C4orf46: variants seen among roughly 807,000 people sequenced by gnomAD.
The protein encoded by C4orf46 is chromosome 4 open reading frame 46, also known as renal cancer differentiation gene 1 protein.
C4orf46 carries 8 observed loss-of-function variants against 9.1 expected under a neutral mutation model. The observed-to-expected ratio is 0.88, with a 90% CI of 0.52 to 1.59. The LOEUF (loss-of-function observed/expected upper bound fraction) is 1.59, where lower values mean the gene tolerates loss of function less well. C4orf46 is among the 40% of genes most tolerant of loss of function. The pLI is 0.00. For missense variants in C4orf46, 151 were observed against 139.1 expected, an observed-to-expected ratio of 1.09 and a Z score of -0.43; for synonymous variants, 51 against 58.8, an observed-to-expected ratio of 0.87 and a Z score of 0.61.
intron 1 of C4orf46, among the ~76,000 whole-genome samples, chr4:158,670,455 T>C (rs1223811476): frequency 6.6e-6 from 1 of 152,186 alleles, no homozygotes; most frequent in African/African-American, 2.4e-5. Context: ...TTGGGTAACA[T>C]GGGCATTGAC....
At chr4:158,671,441 G>A (rs764558587) in intron 1 of C4orf46, among the ~76,000 whole-genome samples, 175 bp downstream of exon 1, 5 of 152,190 alleles carry the variant, frequency 3.3e-5, no homozygotes, top group Middle Eastern at 3.2e-3. Flanking sequence ...GAGAGGGGTG[G>A]CACTTTAGCT....
chr4:158,671,773 G>A lies in C4orf46; in HGVS notation c.29C>T (p.Ser10Phe), dbSNP rs1371638862. 5 of 1,554,174 alleles carry A rather than the reference G, an allele frequency of 3.2e-6. No homozygotes were observed. The highest frequency in any genetic ancestry group is 1.9e-4 in the Middle Eastern group (1 of 5,368). Reference sequence around the variant, plus strand: ...AGAGGGAGGCGGCGGGGGCGGCGAAGAAACCTGCAACTCCTCAGGGTCGGC... The same window carrying A: ...AGAGGGAGGCGGCGGGGGCGGCGAAAAAACCTGCAACTCCTCAGGGTCGGC... MADPEELQV[S>F]SPPPPPPSSP... The change falls in exon 1 of 2, where the codon TCT (serine) becomes TTT (phenylalanine). Residue 10 changes from serine (S) to phenylalanine (F), a missense_variant. By Grantham distance (155) the Ser-to-Phe change is radical. Coordinates refer to ENST00000379205, the MANE Select transcript of C4orf46 (RefSeq NM_001008393.4).
At chr4:158,669,790 T>G in intron 1 of C4orf46, 22 bp from the exon 2 acceptor site, 1 of 1,564,034 alleles carries the variant, frequency 6.4e-7, no homozygotes, top group Admixed American at 1.9e-5. Context: ...AAGTCAAACA[T>G]AATTTTATTT....
rs1270768097 is a variant in C4orf46 at position 158,668,816 on chromosome 4, T to C, written c.*797A>G. The C allele has an allele frequency of 1.3e-5, 2 of 152,238 alleles. No individual in the cohort carries two copies. Among genetic ancestry groups the C allele is most frequent in the South Asian group, 2.1e-4 (1 of 4,828 alleles). The allele number at this position is 152,238 out of a possible 1,614,324, so 9.4% of individuals were successfully genotyped here. Reference sequence around the variant, plus strand: ...AAACACTGTTAAACTGCAAAAGCAGTAACCACAGAAATAAATAGGGAAAAA... The same window carrying C: ...AAACACTGTTAAACTGCAAAAGCAGCAACCACAGAAATAAATAGGGAAAAA... On this transcript the variant is annotated 3_prime_UTR_variant, in exon 2 of 2. Transcript: ENST00000379205.
At position 158,669,750 on chromosome 4, in the gene C4orf46, T is replaced by A. The variant is rs1271299253; in HGVS notation, c.205A>T (p.Lys69Ter). 4 of 1,601,974 alleles carry A rather than the reference T, an allele frequency of 2.5e-6. No individual in the cohort carries two copies. The highest frequency in any genetic ancestry group is 3.4e-6 in the Non-Finnish European group (4 of 1,176,174). The change falls in exon 2 of 2, where the codon AAA becomes TAA. Residue 69 changes from lysine (K) to a stop codon, truncating the protein, a stop_gained. Transcript: ENST00000379205. LOFTEE classifies it high-confidence loss of function. ...ACTGCAGATGTGGCTTCAAGAAGTT[T>A]GGTTAATGAAAAGGCTGCCTAAAAA... Reference protein sequence around the residue: ...QIGDAAFSLTKLLEATSAVSA... With the variant: ...QIGDAAFSLT
upstream of C4orf46, chr4:158,671,937 AG>A (rs1773572289): frequency 1.5e-6 from 1 of 677,592 alleles, no homozygotes; most frequent in African/African-American, 1.8e-5. Context: ...CGTGGGTCTC[AG>A]CCCCGGACCA....
In C4orf46 at chr4:158,669,376, GGAT is replaced by G; in HGVS notation, c.*234_*236del. 1 of 370,330 alleles carries G rather than the reference GGAT, an allele frequency of 2.7e-6. No individual in the cohort carries two copies. The highest frequency in any genetic ancestry group is 4.9e-6 in the Non-Finnish European group (1 of 204,476). The allele number at this position is 370,330 out of a possible 1,614,324, so 22.9% of individuals were successfully genotyped here. ...TATTGATGAAGTTAACTTTCATAAA[GGAT>G]TCTATGAAAGTTCAGAGGCATAAAG... On this transcript the variant is annotated 3_prime_UTR_variant, in exon 2 of 2. Coordinates refer to ENST00000379205, the MANE Select transcript of C4orf46 (RefSeq NM_001008393.4).
upstream of C4orf46, chr4:158,671,937 A>G (rs751533018): frequency 4.4e-6 from 3 of 677,714 alleles, no homozygotes; most frequent in Non-Finnish European, 7.3e-6. Context: ...CGTGGGTCTC[A>G]GCCCCGGACC....
rs1773442720 is a variant in C4orf46, at chr4:158,668,721, A to G, written c.*892T>C. 1 of 152,254 alleles carries G rather than the reference A, an allele frequency of 6.6e-6. No homozygotes were observed. Among genetic ancestry groups the G allele is most frequent in the Non-Finnish European group, 1.5e-5 (1 of 68,038 alleles). 9.4% of individuals were successfully genotyped at this position (152,254 alleles called of 1,614,324 possible). ...CACAACTTGCAAAGCTCAAAAAGTA[A>G]TAGCACAGAGCCATAAATCTGATAA... On this transcript the variant is annotated 3_prime_UTR_variant, in exon 2 of 2. Coordinates refer to ENST00000379205, the MANE Select transcript of C4orf46 (RefSeq NM_001008393.4).
At position 158,669,660 on chromosome 4, in the gene C4orf46, G is replaced by A. The variant is rs1435398716; in HGVS notation, c.295C>T (p.Arg99Trp). The change falls in exon 2 of 2, where the codon CGG (arginine) becomes TGG (tryptophan). Residue 99 changes from arginine (R) to tryptophan (W), a missense_variant. Transcript: ENST00000379205. ...TENARFLKTWRDLLKEGYDSL... is the reference protein window; with the variant it reads ...TENARFLKTWWDLLKEGYDSL... ...TCATAGCCTTCTTTCAAGAGGTCCC[G>A]CCACGTTTTAAGGAAACGTGCATTT... 6.8e-6 allele frequency: 11 copies of A among 1,613,412 alleles called. No homozygotes were observed. Among genetic ancestry groups the A allele is most frequent in the Middle Eastern group, 1.7e-4 (1 of 6,012 alleles).
rs1773454781 is a variant in C4orf46, at chr4:158,669,261, T to C, written c.*352A>G. The C allele has an allele frequency of 6.2e-6, 1 of 162,234 alleles. No individual in the cohort carries two copies. Among genetic ancestry groups the C allele is most frequent in the African/African-American group, 2.4e-5 (1 of 41,790 alleles). 10.0% of individuals were successfully genotyped at this position (162,234 alleles called of 1,614,324 possible). On this transcript the variant is annotated 3_prime_UTR_variant, in exon 2 of 2. Coordinates refer to ENST00000379205, the MANE Select transcript of C4orf46 (RefSeq NM_001008393.4). Reference sequence around the variant, plus strand: ...CTTAAGATGAAACGCAACTTCAAAGTCTGCCATGCTTAGCATCTTGTTGCA... The same window carrying C: ...CTTAAGATGAAACGCAACTTCAAAGCCTGCCATGCTTAGCATCTTGTTGCA...
rs1256424559 is a variant in C4orf46 at position 158,671,865 on chromosome 4, C to T, written c.-64G>A. The T allele has an allele frequency of 2.2e-6, 3 of 1,344,058 alleles. No individual in the cohort carries two copies. The highest frequency in any genetic ancestry group is 3.0e-6 in the Non-Finnish European group (3 of 1,012,224). 83.3% of individuals were successfully genotyped at this position (1,344,058 alleles called of 1,614,324 possible). A position where few individuals can be genotyped will look rare whatever the true frequency, so the allele number is the denominator to read the frequency against. ...CGAACCGACACCAACTGTCTTTTAA[C>T]CACTCGCGCCCAAAGCCGAAAGGCC... On this transcript the variant is annotated 5_prime_UTR_variant, in exon 1 of 2. Transcript: ENST00000379205.
chr4:158,669,500 G>T lies in C4orf46; in HGVS notation c.*113C>A. 9.7e-7 allele frequency: 1 copy of T among 1,032,878 alleles called. No homozygotes were observed. Among genetic ancestry groups the T allele is most frequent in the Non-Finnish European group, 1.4e-6 (1 of 717,234 alleles). The allele number at this position is 1,032,878 out of a possible 1,614,324, so 64.0% of individuals were successfully genotyped here. On this transcript the variant is annotated 3_prime_UTR_variant, in exon 2 of 2. Transcript: ENST00000379205. ...AAAACCAAGAAAAATTTCATTCTGA[G>T]TATATACAGAACTGCTGGACAGAGG...
rs1211934828 is a variant in C4orf46, at chr4:158,669,762, A to T, written c.193T>A (p.Phe65Ile). 1 of 1,584,570 alleles carries T rather than the reference A, an allele frequency of 6.3e-7. No individual in the cohort carries two copies. The highest frequency in any genetic ancestry group is 1.2e-5 in the South Asian group (1 of 84,814). The change falls in exon 2 of 2, where the codon TTT becomes ATT. Residue 65 changes from phenylalanine (F) to isoleucine (I), a missense_variant. Phe to Ile is a conservative substitution (Grantham distance 21). Transcript: ENST00000379205. The stretch of plus-strand genomic sequence containing the variant: ...GCTTCAAGAAGTTTGGTTAATGAAA[A>T]GGCTGCCTAAAAAAAAAAAGTCAAA... ...EVELQIGDAA[F>I]SLTKLLEATS...
chr4:158,671,256 T>C (rs1367906900), intron 1 of C4orf46, among the ~76,000 whole-genome samples: 1 of 151,824 alleles, frequency 6.6e-6, no homozygotes, highest in Non-Finnish European at 1.5e-5. Flanking sequence ...TATTCTCCGA[T>C]GGGAAAGGAG....
rs555846509 is a variant in C4orf46, at chr4:158,669,347, C to T, written c.*266G>A. 6 of 287,314 alleles carry T rather than the reference C, an allele frequency of 2.1e-5. No individual in the cohort carries two copies. The South Asian group carries it at 2.8e-4, about 13-fold the overall frequency. The allele number at this position is 287,314 out of a possible 1,614,324, so 17.8% of individuals were successfully genotyped here. ...GCACTGTGGCTCTATTAATATTAACCGTCTATTGATGAAGTTAACTTTCAT... is the reference window on the plus strand; with the variant it reads ...GCACTGTGGCTCTATTAATATTAACTGTCTATTGATGAAGTTAACTTTCAT... On this transcript the variant is annotated 3_prime_UTR_variant, in exon 2 of 2. Transcript: ENST00000379205.
rs908390774 is a variant in C4orf46 at position 158,669,339 on chromosome 4, A to G, written c.*274T>C. 3.7e-6 allele frequency: 1 copy of G among 271,916 alleles called. No individual in the cohort carries two copies. 16.8% of individuals were successfully genotyped at this position (271,916 alleles called of 1,614,324 possible). On this transcript the variant is annotated 3_prime_UTR_variant, in exon 2 of 2. Coordinates refer to ENST00000379205, the MANE Select transcript of C4orf46 (RefSeq NM_001008393.4). ...TACTGGTAGCACTGTGGCTCTATTA[A>G]TATTAACCGTCTATTGATGAAGTTA...
chr4:158,669,880 A>C (rs1773477439), intron 1 of C4orf46, 112 bp from the exon 2 acceptor site: 15 of 880,848 alleles, frequency 1.7e-5, no homozygotes, highest in Non-Finnish European at 2.2e-5. Flanking sequence ...ATTTTCTTTC[A>C]AAGTAATCAG....
At position 158,669,714 on chromosome 4, in the gene C4orf46, C is replaced by T; in HGVS notation, c.241G>A (p.Val81Met). ...GTACATTTGAAGGCAAGTTCTTCCA[C>T]TTGAGCTGATACTGCAGATGTGGCT... ...LEATSAVSAQ[V>M]EELAFKCTEN... The change falls in exon 2 of 2, where the codon GTG becomes ATG. Residue 81 changes from valine to methionine, a missense_variant. Coordinates refer to ENST00000379205, the MANE Select transcript of C4orf46 (RefSeq NM_001008393.4). 6.2e-6 allele frequency: 10 copies of T among 1,613,742 alleles called. No homozygotes were observed. Among genetic ancestry groups the T allele is most frequent in the Non-Finnish European group, 8.5e-6 (10 of 1,179,794 alleles).
Sources: allele counts gnomAD v4.1 joint callset (sites outside exome capture counted in the v4.1 genomes callset), GRCh38; gene constraint gnomAD v4.1.1; transcripts MANE v1.5; gene names NCBI Gene and HGNC (gene_info 2026-07-23, HGNC 2026-07-21).